The following XPO7 variants were observed in gnomAD, a reference collection of about 807,000 sequenced individuals.
XPO7 encodes the protein exportin-7.
In XPO7, 21 loss-of-function variants were observed where a neutral mutation model predicts 144.3. That is an observed-to-expected ratio of 0.15 (90% CI 0.10 to 0.21). The LOEUF (loss-of-function observed/expected upper bound fraction) is 0.21. XPO7 is among the 10% of genes least tolerant of loss of function. The pLI is 1.00. For missense variants in XPO7, 808 were observed against 1,325.8 expected, an observed-to-expected ratio of 0.61 and a Z score of 6.06; for synonymous variants, 580 against 499.6, an observed-to-expected ratio of 1.16 and a Z score of -2.15.
intron 1 of XPO7, among the ~76,000 whole-genome samples, chr8:21,932,535 T>G (rs1022267260): frequency 6.6e-6 from 1 of 152,258 alleles, no homozygotes; most frequent in Non-Finnish European, 1.5e-5. Flanking sequence ...GAGTTTCTTA[T>G]GCTTCTTTCT....
chr8:21,966,695 A>T (rs1243113757), intron 1 of XPO7, among the ~76,000 whole-genome samples, 162 bp from the exon 2 acceptor site: 1 of 152,206 alleles, frequency 6.6e-6, no homozygotes, highest in Admixed American at 6.5e-5. Context: ...AAATAAAGAG[A>T]CCTATAAATG....
rs71544845 is a variant in XPO7 at position 21,955,724 on chromosome 8, CTTTTTTTTTTT to C, written c.19-11120_19-11110del. On this transcript the variant is annotated intron_variant, in intron 1 of 27. Transcript: ENST00000252512. ...CTCATGGCCTGTATTCTGTGCTTACCTTTTTTTTTTTTTTTTTTTTTTTGAGATGGAGTCTC... is the reference window on the plus strand; with the variant it reads ...CTCATGGCCTGTATTCTGTGCTTACCTTTTTTTTTTTTGAGATGGAGTCTC... Among the ~76,000 whole-genome samples, 392 of 102,766 alleles carry C rather than the reference CTTTTTTTTTTT, an allele frequency of 3.8e-3. 2 individuals carry two copies. The South Asian group carries it at 0.04, about 11-fold the overall frequency. 67.4% of individuals were successfully genotyped at this position (102,766 alleles called of 152,430 possible). A position where few individuals can be genotyped will look rare whatever the true frequency, so the allele number is the denominator to read the frequency against.
At chr8:21,970,642 C>T (rs948376251) in intron 4 of XPO7, among the ~76,000 whole-genome samples, 4 of 152,160 alleles carry the variant, frequency 2.6e-5, no homozygotes, top group Non-Finnish European at 5.9e-5. Flanking sequence ...TAGCCCAGTA[C>T]ATATATTTTG....
intron 1 of XPO7, among the ~76,000 whole-genome samples, chr8:21,946,640 A>AT (rs61593432): frequency 0.17 from 21,108 of 122,634 alleles, 2,351 homozygotes; most frequent in African/African-American, 0.25. Flanking sequence ...GCAAAACAGG[A>AT]TTTTTTTTTT....
rs561028334 is a variant in XPO7 at position 21,957,222 on chromosome 8, G to T, written c.19-9635G>T. ...CCACTTCATTGACCTATTTGTTACA[G>T]GGTGCCCATAGCTTCAGATGTGCTT... On this transcript the variant is annotated intron_variant, in intron 1 of 27. Coordinates refer to ENST00000252512, the MANE Select transcript of XPO7 (RefSeq NM_015024.5). Among the ~76,000 whole-genome samples the T allele has an allele frequency of 1.5e-4, 23 of 152,180 alleles. No homozygotes were observed. The South Asian group carries it at 3.1e-3, about 21-fold the overall frequency.
chr8:21,965,736 G>T (rs1811862605), intron 1 of XPO7, among the ~76,000 whole-genome samples: 3 of 152,180 alleles, frequency 2.0e-5, no homozygotes, highest in Non-Finnish European at 4.4e-5. Context: ...TGGAAAAGCT[G>T]TGATTTATAA....
At chr8:21,989,132 A>G in intron 16 of XPO7, 49 bp downstream of exon 16, 1 of 1,533,902 alleles carries the variant, frequency 6.5e-7, no homozygotes. Flanking sequence ...CTGGCATGCC[A>G]CAGTCTTAGA....
chr8:22,004,893 A>C, intron 27 of XPO7, 102 bp from the exon 28 acceptor site: 2 of 643,976 alleles, frequency 3.1e-6, no homozygotes. Flanking sequence ...GAACCCATCA[A>C]TTCATACATT....
At chr8:21,961,215 T>C (rs930995700) in intron 1 of XPO7, among the ~76,000 whole-genome samples, 2 of 151,546 alleles carry the variant, frequency 1.3e-5, no homozygotes, top group African/African-American at 4.9e-5. Flanking sequence ...TTTTTTTTTT[T>C]TTTTCTTTTT....
intron 13 of XPO7, among the ~76,000 whole-genome samples, chr8:21,985,936 T>C (rs1156659145): frequency 3.9e-5 from 6 of 152,214 alleles, no homozygotes; most frequent in Non-Finnish European, 8.8e-5. Flanking sequence ...AGAGATTCTC[T>C]GTTAGGTCTT....
intron 5 of XPO7, among the ~76,000 whole-genome samples, chr8:21,972,323 C>CA (rs1812089696): frequency 6.6e-6 from 1 of 152,106 alleles, no homozygotes; most frequent in South Asian, 2.1e-4. Flanking sequence ...ACTAAAAATA[C>CA]AAAAAATTAG....
intron 1 of XPO7, among the ~76,000 whole-genome samples, chr8:21,927,475 C>T (rs570319916): frequency 2.7e-4 from 41 of 151,464 alleles, no homozygotes; most frequent in Non-Finnish European, 5.2e-4. Context: ...CTAGAGGTTC[C>T]CAAAGGCACA....
rs1465043231 is a variant in XPO7, at chr8:21,999,666, C to A, written c.2774C>A (p.Thr925Asn). ...CTCTCTTCCATTTCTGAAGGACTTACTGCACTTGGTAAGCACCTGAGGTGG... is the reference window on the plus strand; with the variant it reads ...CTCTCTTCCATTTCTGAAGGACTTAATGCACTTGGTAAGCACCTGAGGTGG... ...YILSSISEGL[T>N]ALDTMVCTGC... The change falls in exon 24 of 28, where the codon ACT becomes AAT. Residue 925 changes from threonine (T) to asparagine (N), a missense_variant. By Grantham distance (65) the Thr-to-Asn change is moderately conservative. This residue lies in a region of XPO7 where 140 missense variants were observed against 237.9 expected (regional missense o/e 0.59). Coordinates refer to ENST00000252512, the MANE Select transcript of XPO7 (RefSeq NM_015024.5). The A allele has an allele frequency of 1.2e-6, 2 of 1,614,040 alleles. No homozygotes were observed. The highest frequency in any genetic ancestry group is 1.7e-5 in the Admixed American group (1 of 60,034).
At position 21,976,339 on chromosome 8, in the gene XPO7, T is replaced by A; in HGVS notation, c.598-17T>A. 1 of 1,610,690 alleles carries A rather than the reference T, an allele frequency of 6.2e-7. No homozygotes were observed. Among genetic ancestry groups the A allele is most frequent in the East Asian group, 2.2e-5 (1 of 44,850 alleles). On this transcript the variant is annotated splice_polypyrimidine_tract_variant and intron_variant, in intron 6 of 27. Transcript: ENST00000252512. ...GAGGAGTGATTTTGGGGACTCATTA[T>A]GTGGTAATTTTTACAGGCTTCAGGA...
At chr8:21,943,937 A>G (rs1270213732) in intron 1 of XPO7, among the ~76,000 whole-genome samples, 1 of 152,258 alleles carries the variant, frequency 6.6e-6, no homozygotes, top group Non-Finnish European at 1.5e-5. Context: ...AAGACAAGCT[A>G]ATAATGTTTG....
In XPO7 at chr8:21,984,796, A is replaced by C; in HGVS notation, c.1428A>C (p.Leu476=). 6.2e-7 allele frequency: 1 copy of C among 1,613,992 alleles called. No homozygotes were observed. Among genetic ancestry groups the C allele is most frequent in the Non-Finnish European group, 8.5e-7 (1 of 1,179,902 alleles). Reference sequence around the variant, plus strand: ...CGGCCCAGTCGTACCAGGAGCTGCTACAGAGCGCCAGCGCAAGCCCAATGG... The same window carrying C: ...CGGCCCAGTCGTACCAGGAGCTGCTCCAGAGCGCCAGCGCAAGCCCAATGG... ...DQSAQSYQEL[L]QSASASPMDI... The change falls in exon 12 of 28, where the codon CTA becomes CTC. Residue 476 remains leucine (L), a synonymous_variant. Coordinates refer to ENST00000252512, the MANE Select transcript of XPO7 (RefSeq NM_015024.5).
At chr8:21,932,700 A>G (rs767893728) in intron 1 of XPO7, among the ~76,000 whole-genome samples, 6 of 152,040 alleles carry the variant, frequency 3.9e-5, no homozygotes, top group African/African-American at 7.2e-5. Context: ...TTCTTTTATT[A>G]TTTCTAACGT....
chr8:21,984,472 A>C (rs892465503), intron 11 of XPO7, among the ~76,000 whole-genome samples, 174 bp from the exon 12 acceptor site: 8 of 152,218 alleles, frequency 5.3e-5, no homozygotes, highest in Non-Finnish European at 8.8e-5. Context: ...TGCTAGGGCG[A>C]AGACATTGGC....
intron 8 of XPO7, among the ~76,000 whole-genome samples, chr8:21,979,040 T>C (rs912257597): frequency 3.3e-5 from 5 of 152,068 alleles, no homozygotes; most frequent in African/African-American, 1.2e-4. Flanking sequence ...CAGAGGGAAA[T>C]GTCTTCAGGG....
Sources: allele counts gnomAD v4.1 joint callset (sites outside exome capture counted in the v4.1 genomes callset), GRCh38; gene constraint gnomAD v4.1.1; regional missense constraint gnomAD v4.1.1; transcripts MANE v1.5; gene names NCBI Gene and HGNC (gene_info 2026-07-23, HGNC 2026-07-21).